Variants in ASCC3 observed in about 807,000 individuals in gnomAD.
The protein encoded by ASCC3 is ASC-1 complex subunit P200.
A neutral mutation model predicts 256.3 loss-of-function variants in ASCC3; 158 were observed. The observed-to-expected ratio is 0.62, with a 90% CI of 0.54 to 0.70. The LOEUF is 0.70. Ranked by LOEUF, ASCC3 falls within the 30% of genes least tolerant of loss-of-function variation. The pLI is 0.00. For missense variants in ASCC3, 2,259 were observed against 2,626.0 expected (o/e 0.86, Z 3.05); for synonymous variants, 948 against 883.4 (o/e 1.07, Z -1.30).
intron 36 of ASCC3, among the ~76,000 whole-genome samples, chr6:100,564,019 T>C (rs1366838483): frequency 5.9e-5 from 9 of 152,054 alleles, no homozygotes; most frequent in Non-Finnish European, 1.5e-5. Flanking sequence ...TATGCCTGTT[T>C]GACGCCAAAG....
At position 100,868,031 on chromosome 6, in the gene ASCC3, A is replaced by T; in HGVS notation, c.-34T>A. ...CAATCAGTGATCCATACAGCAAGAA[A>T]CCTGAAACTGAAACAAAACAAGATG... On this transcript the variant is annotated 5_prime_UTR_variant, in exon 2 of 42. Transcript: ENST00000369162. 1.3e-5 allele frequency: 19 copies of T among 1,496,146 alleles called. No homozygotes were observed. Among genetic ancestry groups the T allele is most frequent in the Non-Finnish European group, 1.7e-5 (18 of 1,074,012 alleles). 92.7% of individuals were successfully genotyped at this position (1,496,146 alleles called of 1,614,324 possible). A position where few individuals can be genotyped will look rare whatever the true frequency, so the allele number is the denominator to read the frequency against.
chr6:100,647,427 G>C lies in ASCC3; in HGVS notation c.3277C>G (p.Leu1093Val). The change falls in exon 21 of 42, where the codon CTT (leucine) becomes GTT (valine). Residue 1093 changes from leucine to valine, a missense_variant. Transcript: ENST00000369162. ...CGTTTCCTCAGAGCAATTTCAAAAA[G>C]AGCACGGACAATTCTAGCTGCATTC... ...AQNAARIVRA[L>V]FEIALRKRWP... 1 of 1,613,956 alleles carries C rather than the reference G, an allele frequency of 6.2e-7. No homozygotes were observed. Among genetic ancestry groups the C allele is most frequent in the Non-Finnish European group, 8.5e-7 (1 of 1,179,900 alleles).
At chr6:100,570,948 C>A (rs2114724337) in intron 36 of ASCC3, among the ~76,000 whole-genome samples, 1 of 152,272 alleles carries the variant, frequency 6.6e-6, no homozygotes, top group East Asian at 1.9e-4. Flanking sequence ...ATCCAAGCCA[C>A]CATCTTCTCT....
chr6:100,870,359 GTC>G (rs1773683800), intron 1 of ASCC3, among the ~76,000 whole-genome samples: 1 of 91,912 alleles, frequency 1.1e-5, no homozygotes, highest in Non-Finnish European at 2.3e-5. Context: ...GTGAGAGTCC[GTC>G]TCAAAAAAAA....
At chr6:100,548,332 G>C (rs1769096378) in intron 36 of ASCC3, among the ~76,000 whole-genome samples, 1 of 151,778 alleles carries the variant, frequency 6.6e-6, no homozygotes. Flanking sequence ...GCATCTTTTT[G>C]TGCTTGATTG....
intron 34 of ASCC3, among the ~76,000 whole-genome samples, chr6:100,595,805 C>T (rs1772262811): frequency 1.3e-5 from 2 of 152,144 alleles, no homozygotes; most frequent in Non-Finnish European, 2.9e-5. Context: ...GCTCCTGAAA[C>T]AGCATTTCAA....
intron 4 of ASCC3, among the ~76,000 whole-genome samples, chr6:100,813,546 T>A (rs1022743835): frequency 6.6e-6 from 1 of 152,008 alleles, no homozygotes; most frequent in Non-Finnish European, 1.5e-5. Flanking sequence ...TTAAAGGAAG[T>A]TTTTCAGGCT....
At chr6:100,709,080 A>G (rs967292605) in intron 13 of ASCC3, among the ~76,000 whole-genome samples, 28 of 152,224 alleles carry the variant, frequency 1.8e-4, no homozygotes, top group Admixed American at 1.3e-3. Flanking sequence ...GATTGATAAC[A>G]GTATTCAGAA....
At chr6:100,627,493 A>G in intron 29 of ASCC3, 97 bp downstream of exon 29, 2 of 1,476,930 alleles carry the variant, frequency 1.4e-6, no homozygotes, top group Non-Finnish European at 1.9e-6. Context: ...AAGCTGGACC[A>G]GTATCATCCT....
chr6:100,543,733 G>C (rs893943036), intron 36 of ASCC3, among the ~76,000 whole-genome samples: 1 of 151,802 alleles, frequency 6.6e-6, no homozygotes, highest in African/African-American at 2.4e-5. Context: ...GAAGTACATG[G>C]AGAAACAGAA....
chr6:100,672,016 T>C (rs1776776798), intron 14 of ASCC3, among the ~76,000 whole-genome samples: 2 of 152,176 alleles, frequency 1.3e-5, no homozygotes, highest in South Asian at 2.1e-4. Context: ...TGTTTTTATG[T>C]CAGCCTTTTC....
At chr6:100,594,970 C>T (rs902957270) in intron 34 of ASCC3, among the ~76,000 whole-genome samples, 2 of 151,952 alleles carry the variant, frequency 1.3e-5, no homozygotes, top group Non-Finnish European at 1.5e-5. Flanking sequence ...ACTGTATGAT[C>T]TCACTTATAT....
chr6:100,721,794 TG>T (rs66683738), intron 11 of ASCC3, among the ~76,000 whole-genome samples: 68,037 of 150,500 alleles, frequency 0.45, 15,547 homozygotes, highest in South Asian at 0.61. Flanking sequence ...TCAAATTTTT[TG>T]TTGTTGTTGT....
chr6:100,550,559 A>C (rs1769238132), intron 36 of ASCC3, among the ~76,000 whole-genome samples: 1 of 151,980 alleles, frequency 6.6e-6, no homozygotes, highest in Admixed American at 6.6e-5. Flanking sequence ...GTAGAGGAAA[A>C]CTTAGGAGTG....
chr6:100,806,146 A>G (rs773588059), intron 4 of ASCC3, among the ~76,000 whole-genome samples: 2 of 152,050 alleles, frequency 1.3e-5, no homozygotes, highest in Non-Finnish European at 2.9e-5. Flanking sequence ...AAATCACAGA[A>G]TAACAAATTC....
At chr6:100,613,114 T>A (rs920620681) in intron 30 of ASCC3, among the ~76,000 whole-genome samples, 2 of 151,610 alleles carry the variant, frequency 1.3e-5, no homozygotes, top group African/African-American at 4.8e-5. Flanking sequence ...CTTAAAATAT[T>A]TTTTGAGGGA....
intron 8 of ASCC3, among the ~76,000 whole-genome samples, chr6:100,786,369 C>T (rs962840288): frequency 6.6e-6 from 1 of 152,104 alleles, no homozygotes; most frequent in Non-Finnish European, 1.5e-5. Flanking sequence ...TAATGAAATT[C>T]TCTTGTTTAA....
intron 4 of ASCC3, among the ~76,000 whole-genome samples, chr6:100,842,496 C>G (rs558135083): frequency 6.6e-6 from 1 of 152,186 alleles, no homozygotes; most frequent in African/African-American, 2.4e-5. Context: ...TCAGAATATA[C>G]TGAATGCAAA....
At chr6:100,661,346 C>T (rs1776187513) in intron 16 of ASCC3, among the ~76,000 whole-genome samples, 1 of 151,522 alleles carries the variant, frequency 6.6e-6, no homozygotes, top group African/African-American at 2.4e-5. Flanking sequence ...CACACACACA[C>T]ACACACACAC....
Sources: allele counts gnomAD v4.1 joint callset (sites outside exome capture counted in the v4.1 genomes callset), GRCh38; gene constraint gnomAD v4.1.1; transcripts MANE v1.5; gene names NCBI Gene and HGNC (gene_info 2026-07-23, HGNC 2026-07-21).